The following BCKDHB variants were observed in gnomAD, a reference collection of about 807,000 sequenced individuals.
BCKDHB encodes the protein branched chain keto acid dehydrogenase E1 subunit beta, also known as 2-oxoisovalerate dehydrogenase subunit beta, mitochondrial.
In BCKDHB, 41 loss-of-function variants were observed where a neutral mutation model predicts 48.5. The observed-to-expected ratio is 0.85, with a 90% confidence interval of 0.66 to 1.10. The LOEUF is 1.10. Ranked by LOEUF, BCKDHB falls within the 50% of genes least tolerant of loss-of-function variation. BCKDHB has a pLI of 0.00. For missense variants in BCKDHB, 496 were observed against 494.2 expected (o/e 1.00, Z -0.03); for synonymous variants, 201 against 174.8 (o/e 1.15, Z -1.18).
At chr6:80,436,530 G>A in the BCKDHB span, among the ~76,000 whole-genome samples, 7 of 152,092 alleles carry the variant, frequency 4.6e-5, no homozygotes, top group Non-Finnish European at 7.4e-5. Flanking sequence ...TGCATGTACT[G>A]TTGTTTTTAC....
the BCKDHB span, chr6:80,374,290 T>A: frequency 1.1e-6 from 1 of 928,140 alleles, no homozygotes; most frequent in South Asian, 1.3e-5. Flanking sequence ...TTTTTAAGCA[T>A]GTGCAGCAAA....
At chr6:80,285,154 T>G (rs1271774537) in intron 9 of BCKDHB, among the ~76,000 whole-genome samples, 3 of 152,166 alleles carry the variant, frequency 2.0e-5, no homozygotes, top group African/African-American at 7.2e-5. Flanking sequence ...TGAACTTTTC[T>G]GGGCATAGAG....
At chr6:80,218,576 C>T (rs1034557178) in intron 8 of BCKDHB, among the ~76,000 whole-genome samples, 31 of 152,114 alleles carry the variant, frequency 2.0e-4, no homozygotes, top group Non-Finnish European at 3.4e-4. Flanking sequence ...CATATTTCCT[C>T]AGTTTTGAGT....
Position 80,216,619 on chromosome 6 carries a change from C to T in BCKDHB, c.951+13407C>T, listed in dbSNP as rs530649787. ...TTTAAACTGTTTGCTTTCACTGTTACGAATAGCAGTGAAAAGAAAGAAATC... is the reference window on the plus strand; with the variant it reads ...TTTAAACTGTTTGCTTTCACTGTTATGAATAGCAGTGAAAAGAAAGAAATC... On this transcript the variant is annotated intron_variant, in intron 8 of 9. Transcript: ENST00000320393. Among the ~76,000 whole-genome samples the T allele has an allele frequency of 5.9e-4, 90 of 152,068 alleles. 1 individual carries two copies. The highest frequency in any genetic ancestry group is 2.1e-3 in the African/African-American group (86 of 41,462).
At chr6:80,307,999 C>A in intron 9 of BCKDHB, 1 of 835,160 alleles carries the variant, frequency 1.2e-6, no homozygotes, top group Non-Finnish European at 1.4e-6. Flanking sequence ...TCTACAATCA[C>A]AACTAAGGGG....
chr6:80,181,854 A>G (rs1773426877), intron 6 of BCKDHB, among the ~76,000 whole-genome samples: 1 of 152,196 alleles, frequency 6.6e-6, no homozygotes, highest in Admixed American at 6.5e-5. Context: ...GTGTGAATAC[A>G]GGGAGATTTG....
chr6:80,421,727 T>C, the BCKDHB span, among the ~76,000 whole-genome samples: 4 of 152,076 alleles, frequency 2.6e-5, no homozygotes, highest in African/African-American at 9.7e-5. Context: ...AATTTGAACT[T>C]GAGAGAGATG....
intron 6 of BCKDHB, among the ~76,000 whole-genome samples, chr6:80,176,547 A>G (rs750299576): frequency 9.2e-5 from 14 of 152,166 alleles, no homozygotes; most frequent in Non-Finnish European, 1.8e-4. Flanking sequence ...TGTGGGACCC[A>G]TTCACAGTGT....
intron 9 of BCKDHB, among the ~76,000 whole-genome samples, chr6:80,321,634 G>A (rs1233423224): frequency 6.6e-6 from 1 of 152,120 alleles, no homozygotes; most frequent in Non-Finnish European, 1.5e-5. Context: ...AACTTCCAGA[G>A]ACTTGAACTT....
intron 4 of BCKDHB, among the ~76,000 whole-genome samples, 179 bp downstream of exon 4, chr6:80,167,990 T>C (rs760006238): frequency 2.0e-5 from 3 of 152,152 alleles, no homozygotes; most frequent in Non-Finnish European, 4.4e-5. Context: ...TTTAAGCAGA[T>C]AGATTGGGAT....
At chr6:80,359,241 G>T in the BCKDHB span, among the ~76,000 whole-genome samples, 3 of 152,156 alleles carry the variant, frequency 2.0e-5, no homozygotes, top group Non-Finnish European at 4.4e-5. Flanking sequence ...CCCTCACTGA[G>T]CAGGTAGAGA....
intron 8 of BCKDHB, among the ~76,000 whole-genome samples, chr6:80,257,013 C>A (rs1468878378): frequency 1.3e-5 from 2 of 152,146 alleles, no homozygotes; most frequent in Non-Finnish European, 2.9e-5. Context: ...GTTACACATA[C>A]CATATCCACA....
At chr6:80,317,153 C>T (rs1270590374) in intron 9 of BCKDHB, among the ~76,000 whole-genome samples, 1 of 152,132 alleles carries the variant, frequency 6.6e-6, no homozygotes, top group Non-Finnish European at 1.5e-5. Flanking sequence ...TCTCCTTTAC[C>T]CTTAAGGGGC....
intron 7 of BCKDHB, among the ~76,000 whole-genome samples, chr6:80,202,803 C>T (rs1221516014): frequency 4.1e-5 from 6 of 145,496 alleles, no homozygotes; most frequent in African/African-American, 1.2e-4. Context: ...TCTCCCTCTA[C>T]ATGCTTTCTA....
the BCKDHB span, among the ~76,000 whole-genome samples, chr6:80,401,353 T>C: frequency 6.6e-6 from 1 of 151,876 alleles, no homozygotes; most frequent in African/African-American, 2.4e-5. Context: ...CAGGTACATA[T>C]TAATCACCTT....
chr6:80,357,900 T>A, the BCKDHB span, among the ~76,000 whole-genome samples: 2 of 152,302 alleles, frequency 1.3e-5, no homozygotes, highest in South Asian at 4.1e-4. Flanking sequence ...CATGCTTTTT[T>A]CTTCTTGCAC....
chr6:80,420,730 C>A, the BCKDHB span, among the ~76,000 whole-genome samples: 1 of 152,136 alleles, frequency 6.6e-6, no homozygotes, highest in African/African-American at 2.4e-5. Flanking sequence ...TCCTTGCTTT[C>A]AGTGGTCCCA....
intron 1 of BCKDHB, among the ~76,000 whole-genome samples, chr6:80,112,394 AC>A (rs1769455488): frequency 1.3e-5 from 2 of 152,174 alleles, no homozygotes; most frequent in South Asian, 4.1e-4. Flanking sequence ...CCAAAGGAGA[AC>A]ACCACATGCT....
At chr6:80,231,250 A>G (rs1277990243) in intron 8 of BCKDHB, among the ~76,000 whole-genome samples, 1 of 152,212 alleles carries the variant, frequency 6.6e-6, no homozygotes, top group Admixed American at 6.5e-5. Flanking sequence ...AACAATAGAA[A>G]AAAATTTAAG....
Sources: gnomAD v4.1 joint callset for allele counts (sites outside exome capture counted in the v4.1 genomes callset) on GRCh38, gnomAD v4.1.1 for gene constraint, MANE v1.5 for transcripts, NCBI Gene and HGNC (gene_info 2026-07-23, HGNC 2026-07-21) for gene names.